Variants in GRIP2 observed in about 807,000 individuals in gnomAD.
The protein encoded by GRIP2 is glutamate receptor-interacting protein 2.
GRIP2 carries 58 observed loss-of-function variants against 108.3 expected under a neutral mutation model. That is an observed-to-expected ratio of 0.54 (90% CI 0.43 to 0.67). GRIP2 has a LOEUF of 0.67. Ranked by LOEUF, GRIP2 falls within the 30% of genes least tolerant of loss-of-function variation. The pLI is 0.00. For synonymous variants in GRIP2, 586 were observed against 598.2 expected (o/e 0.98, Z 0.30); for missense variants, 1,278 against 1,430.6 (o/e 0.89, Z 1.72).
rs1207882264 is a variant in GRIP2, at chr3:14,496,543, G to A, written c.2697C>T (p.Gly899=). ...LRELEASIMT[G]TVQRVALEGR... is the part of the protein sequence containing the mutation. ...CCTCGAGGGCCACCCTCTGCACGGT[G>A]CCCGTCATGATGGATGCCTGCAAGG... Residue 899 remains glycine, a synonymous_variant, in exon 22 of 24, where the codon GGC becomes GGT. Transcript: ENST00000621039. The A allele has an allele frequency of 1.6e-5, 25 of 1,603,372 alleles. No individual in the cohort carries two copies. Among genetic ancestry groups the A allele is most frequent in the Admixed American group, 6.8e-5 (4 of 58,688 alleles).
intron 1 of GRIP2, among the ~76,000 whole-genome samples, chr3:14,550,744 A>T (rs1695133908): frequency 6.6e-6 from 1 of 152,116 alleles, no homozygotes; most frequent in Non-Finnish European, 1.5e-5. Flanking sequence ...TGAATTCCAA[A>T]TGACCCTCGG....
the GRIP2 span, among the ~76,000 whole-genome samples, chr3:14,598,813 A>C: frequency 6.6e-6 from 1 of 151,726 alleles, no homozygotes; most frequent in African/African-American, 2.4e-5. Flanking sequence ...TCCTCCCCAC[A>C]CAACCCCCTG....
the GRIP2 span, among the ~76,000 whole-genome samples, chr3:14,594,245 C>T: frequency 6.6e-6 from 1 of 152,222 alleles, no homozygotes; most frequent in Non-Finnish European, 1.5e-5. Flanking sequence ...AAACAATTGT[C>T]TCTTTCACAG....
chr3:14,538,133 C>A (rs1694877309), intron 1 of GRIP2, among the ~76,000 whole-genome samples: 1 of 152,216 alleles, frequency 6.6e-6, no homozygotes, highest in Non-Finnish European at 1.5e-5. Context: ...GGGCATAGGG[C>A]TGCCTGGTCC....
the GRIP2 span, among the ~76,000 whole-genome samples, chr3:14,563,110 T>C: frequency 6.6e-6 from 1 of 152,130 alleles, no homozygotes; most frequent in Non-Finnish European, 1.5e-5. Context: ...GAATCCTGAT[T>C]TGAATAAACC....
intron 1 of GRIP2, among the ~76,000 whole-genome samples, chr3:14,537,621 C>T (rs1694864161): frequency 6.6e-6 from 1 of 152,226 alleles, no homozygotes; most frequent in Admixed American, 6.5e-5. Context: ...GAGACAGAGC[C>T]AGGACGCAAA....
chr3:14,564,931 G>A, the GRIP2 span, among the ~76,000 whole-genome samples: 2 of 152,204 alleles, frequency 1.3e-5, no homozygotes, highest in South Asian at 2.1e-4. Flanking sequence ...ACACAGACGC[G>A]CCTCTTGCTC....
the GRIP2 span, chr3:14,574,803 A>G: frequency 2.8e-6 from 1 of 352,572 alleles, no homozygotes; most frequent in Non-Finnish European, 5.4e-6. Context: ...CCCACAATGG[A>G]AGTTTACATA....
the GRIP2 span, chr3:14,573,970 G>T: frequency 9.2e-7 from 1 of 1,084,768 alleles, no homozygotes; most frequent in Non-Finnish European, 1.4e-6. Context: ...TGCACCTGCG[G>T]ATCCTGGCAT....
the GRIP2 span, among the ~76,000 whole-genome samples, chr3:14,575,782 C>T: frequency 6.6e-6 from 1 of 152,228 alleles, no homozygotes; most frequent in African/African-American, 2.4e-5. Flanking sequence ...TCTGCTGAGG[C>T]CCGCCCTGTC....
chr3:14,497,699 G>T (rs1215271184), intron 21 of GRIP2, among the ~76,000 whole-genome samples: 1 of 152,212 alleles, frequency 6.6e-6, no homozygotes, highest in African/African-American at 2.4e-5. Context: ...GCCACATGAA[G>T]ACTGGGCTGC....
At chr3:14,509,314 C>T (rs1460016067) in intron 17 of GRIP2, among the ~76,000 whole-genome samples, 1 of 152,236 alleles carries the variant, frequency 6.6e-6, no homozygotes, top group Non-Finnish European at 1.5e-5. Flanking sequence ...CTCACCCACA[C>T]TGGGGGTCGG....
rs1559323151 is a variant in GRIP2, at chr3:14,489,284, C to CT, written c.*4380dup. ...TATCAATATTTTAAATTCATCTTTG[C>CT]TTTTTTTAGAGGAGTTTGTAATCAC... is the stretch of plus-strand genomic sequence containing the variant. On this transcript the variant is annotated 3_prime_UTR_variant, in exon 24 of 24. Coordinates refer to ENST00000621039, the MANE Select transcript of GRIP2 (RefSeq NM_001080423.4). The CT allele has an allele frequency of 6.6e-6, 1 of 152,370 alleles. No individual in the cohort carries two copies. Among genetic ancestry groups the CT allele is most frequent in the East Asian group, 1.9e-4 (1 of 5,190 alleles). 9.4% of individuals were successfully genotyped at this position (152,370 alleles called of 1,614,324 possible). A position where few individuals can be genotyped will look rare whatever the true frequency, so the allele number is the denominator to read the frequency against.
rs901556694 is a variant in GRIP2 at position 14,507,810 on chromosome 3, C to T, written c.2079-110G>A. The T allele has an allele frequency of 2.7e-5, 32 of 1,207,084 alleles. No individual in the cohort carries two copies. The East Asian group carries it at 7.6e-4, about 29-fold the overall frequency. The allele number at this position is 1,207,084 out of a possible 1,614,324, so 74.8% of individuals were successfully genotyped here. A position where few individuals can be genotyped will look rare whatever the true frequency, so the allele number is the denominator to read the frequency against. On this transcript the variant is annotated intron_variant, in intron 17 of 23. Coordinates refer to ENST00000621039, the MANE Select transcript of GRIP2 (RefSeq NM_001080423.4). This position sits in a 1 kb window ranked among gnomAD's most constrained non-coding sequence, Gnocchi z 4.6. ...GCCACAAAGCAGAAGTCTGGCTGAC[C>T]CCAGTTAAACCCAGCTGCCAAAAAC...
rs548713934 is a variant in GRIP2 at position 14,493,248 on chromosome 3, C to T, written c.*417G>A. 165 of 171,052 alleles carry T rather than the reference C, an allele frequency of 9.6e-4. No homozygotes were observed. Among genetic ancestry groups the T allele is most frequent in the South Asian group, 4.3e-3 (23 of 5,354 alleles). 10.6% of individuals were successfully genotyped at this position (171,052 alleles called of 1,614,324 possible). A position where few individuals can be genotyped will look rare whatever the true frequency, so the allele number is the denominator to read the frequency against. ...CTCCTGCCTGCTCACCTCCTGTGAC[C>T]GAGAACTCACTCCTCCTTGCAGCTC... On this transcript the variant is annotated 3_prime_UTR_variant, in exon 24 of 24. Transcript: ENST00000621039.
Position 14,521,600 on chromosome 3 carries a change from C to T in GRIP2, c.712+42G>A, listed in dbSNP as rs1351159445. Reference sequence around the variant, plus strand: ...CACTGCCACCTCCCCCCATCCCAGGCCTCCTCCTGCCCCAACCCACACACT... The same window carrying T: ...CACTGCCACCTCCCCCCATCCCAGGTCTCCTCCTGCCCCAACCCACACACT... On this transcript the variant is annotated intron_variant, in intron 7 of 23. Transcript: ENST00000621039. This position sits in a 1 kb window ranked among gnomAD's most constrained non-coding sequence, Gnocchi z 5.1. 6.4e-7 allele frequency: 1 copy of T among 1,555,078 alleles called. No homozygotes were observed. Among genetic ancestry groups the T allele is most frequent in the African/African-American group, 1.4e-5 (1 of 73,620 alleles).
In GRIP2 at chr3:14,490,994, C is replaced by G. The variant is rs912648010; in HGVS notation, c.*2671G>C. 3 of 152,226 alleles carry G rather than the reference C, an allele frequency of 2.0e-5. No individual in the cohort carries two copies. Among genetic ancestry groups the G allele is most frequent in the Non-Finnish European group, 2.9e-5 (2 of 68,046 alleles). 9.4% of individuals were successfully genotyped at this position (152,226 alleles called of 1,614,324 possible). On this transcript the variant is annotated 3_prime_UTR_variant, in exon 24 of 24. Coordinates refer to ENST00000621039, the MANE Select transcript of GRIP2 (RefSeq NM_001080423.4). ...ATTGTCTGCCTGCCACCAGAATGTGCAGACATGACCTAAATCTGTCTGATT... is the reference window on the plus strand; with the variant it reads ...ATTGTCTGCCTGCCACCAGAATGTGGAGACATGACCTAAATCTGTCTGATT...
intron 21 of GRIP2, among the ~76,000 whole-genome samples, chr3:14,499,671 C>G: frequency 6.6e-6 from 1 of 151,938 alleles, no homozygotes; most frequent in Non-Finnish European, 1.5e-5. Context: ...TTGTAGTGAG[C>G]CAAGCGAGCC....
upstream of GRIP2, among the ~76,000 whole-genome samples, chr3:14,545,353 A>G (rs1303431638): frequency 6.6e-6 from 1 of 152,248 alleles, no homozygotes; most frequent in Non-Finnish European, 1.5e-5. Context: ...GCCTGACAGC[A>G]TCCCCACCCA....
Sources: gnomAD v4.1 joint callset for allele counts (sites outside exome capture counted in the v4.1 genomes callset) on GRCh38, gnomAD v4.1.1 for gene constraint, Gnocchi (gnomAD v3.1) non-coding constraint, MANE v1.5 for transcripts, NCBI Gene and HGNC (gene_info 2026-07-23, HGNC 2026-07-21) for gene names.